Variants in MEIOB observed in about 807,000 individuals in gnomAD.
The protein encoded by MEIOB is meiosis specific with OB-fold.
A neutral mutation model predicts 53.1 loss-of-function variants in MEIOB; 50 were observed. That is an observed-to-expected ratio of 0.94 (90% CI 0.75 to 1.19). The LOEUF is 1.19. MEIOB is among the 50% of genes most tolerant of loss of function. The probability of loss-of-function intolerance (pLI) is 0.00; values close to 1 mark genes in which losing one functional copy is unlikely to be tolerated. For missense variants in MEIOB, 551 were observed against 550.8 expected, an observed-to-expected ratio of 1.00 and a Z score of 0.00; for synonymous variants, 192 against 182.5, an observed-to-expected ratio of 1.05 and a Z score of -0.42.
At chr16:1,847,029 C>A (rs572206027) in intron 9 of MEIOB, among the ~76,000 whole-genome samples, 2 of 151,744 alleles carry the variant, frequency 1.3e-5, no homozygotes, top group East Asian at 3.9e-4. Flanking sequence ...GTGGCACACA[C>A]CTGTAGTCCC....
intron 4 of MEIOB, among the ~76,000 whole-genome samples, 170 bp from the exon 5 acceptor site, chr16:1,860,645 G>C (rs1443954182): frequency 6.6e-6 from 1 of 152,092 alleles, no homozygotes; most frequent in Non-Finnish European, 1.5e-5. Context: ...TTGATACTGA[G>C]ATGTCAAAAT....
chr16:1,839,868 C>T (rs906937612), intron 11 of MEIOB: 2 of 155,026 alleles, frequency 1.3e-5, no homozygotes, highest in South Asian at 2.0e-4. Flanking sequence ...GGAACTGTGT[C>T]TTGTGCCTGG....
chr16:1,863,207 T>G (rs566378899), intron 3 of MEIOB, among the ~76,000 whole-genome samples: 7 of 152,108 alleles, frequency 4.6e-5, no homozygotes, highest in Non-Finnish European at 7.4e-5. Flanking sequence ...AAGAATGAGT[T>G]CAGGGTGTTC....
intron 3 of MEIOB, among the ~76,000 whole-genome samples, 194 bp downstream of exon 3, chr16:1,865,578 TATATAG>T (rs1265084861): frequency 5.0e-5 from 6 of 120,692 alleles, no homozygotes; most frequent in Non-Finnish European, 9.3e-5. Flanking sequence ...TGTATACATA[TATATAG>T]AGAGAGAGAG....
At chr16:1,848,980 G>T (rs980969343) in intron 9 of MEIOB, among the ~76,000 whole-genome samples, 2 of 151,960 alleles carry the variant, frequency 1.3e-5, no homozygotes, top group East Asian at 1.9e-4. Context: ...CATCAGATAG[G>T]CAAAAGGTAT....
rs60983148 is a variant in MEIOB, at chr16:1,852,429, A to ATT, written c.778+608_778+609dup. Among the ~76,000 whole-genome samples, 910 of 151,532 alleles carry ATT rather than the reference A, an allele frequency of 6.0e-3. 33 individuals carry two copies. In the East Asian group the frequency reaches 0.11, roughly 18 times the overall value. On this transcript the variant is annotated intron_variant, in intron 9 of 13. Coordinates refer to ENST00000325962, the MANE Select transcript of MEIOB (RefSeq NM_001163560.3). ...AGGCGCACACTTTTACGCTCGGCTA[A>ATT]TTTTTCTATTTTTAGTAGAAACAGG...
chr16:1,853,700 C>T, intron 7 of MEIOB, among the ~76,000 whole-genome samples: 1 of 152,154 alleles, frequency 6.6e-6, no homozygotes, highest in Admixed American at 6.5e-5. Flanking sequence ...CTAGACAATG[C>T]CTTGTTGTAC....
chr16:1,838,026 T>G, intron 12 of MEIOB, 156 bp from the exon 13 acceptor site: 1 of 1,375,978 alleles, frequency 7.3e-7, no homozygotes, highest in Non-Finnish European at 9.7e-7. Context: ...AGACAGGGTC[T>G]CACTCTGTCG....
intron 5 of MEIOB, among the ~76,000 whole-genome samples, chr16:1,858,916 T>A (rs1353504499): frequency 6.6e-6 from 1 of 152,194 alleles, no homozygotes; most frequent in Non-Finnish European, 1.5e-5. Context: ...CATCCATCAC[T>A]TCCATGAATA....
chr16:1,857,120 C>T (rs1489339847), intron 6 of MEIOB, among the ~76,000 whole-genome samples: 2 of 152,160 alleles, frequency 1.3e-5, no homozygotes, highest in Admixed American at 6.5e-5. Context: ...TCTCAATCTC[C>T]GCCTTGTGGC....
At chr16:1,848,941 A>G (rs956935619) in intron 9 of MEIOB, among the ~76,000 whole-genome samples, 1 of 152,158 alleles carries the variant, frequency 6.6e-6, no homozygotes, top group African/African-American at 2.4e-5. Context: ...TGGGAATAGC[A>G]CTTCTCAGGG....
intron 13 of MEIOB, 24 bp from the exon 14 acceptor site, chr16:1,834,390 G>A (rs1567270534): frequency 3.1e-6 from 4 of 1,282,346 alleles, no homozygotes; most frequent in Non-Finnish European, 4.5e-6. Flanking sequence ...CAGAAAAAGA[G>A]ACAAAAGGTT....
At chr16:1,836,922 A>T (rs1335383748) in intron 13 of MEIOB, among the ~76,000 whole-genome samples, 1 of 152,232 alleles carries the variant, frequency 6.6e-6, no homozygotes, top group Non-Finnish European at 1.5e-5. Flanking sequence ...AAACGGGAGC[A>T]CATTAACTTG....
chr16:1,848,844 G>A lies in MEIOB; in HGVS notation c.779-3881C>T, dbSNP rs567151708. Among the ~76,000 whole-genome samples, 44 of 151,652 alleles carry A rather than the reference G, an allele frequency of 2.9e-4. 1 individual carries two copies. The South Asian group carries it at 4.8e-3, about 17-fold the overall frequency. On this transcript the variant is annotated intron_variant, in intron 9 of 13. Coordinates refer to ENST00000325962, the MANE Select transcript of MEIOB (RefSeq NM_001163560.3). Reference sequence around the variant, plus strand: ...CAGGCATGAGCCACTGCGCCTGGCCGGCAAAATCCTTTTAAAAGAAGAGCC... The same window carrying A: ...CAGGCATGAGCCACTGCGCCTGGCCAGCAAAATCCTTTTAAAAGAAGAGCC...
chr16:1,858,882 G>A (rs1023048535), intron 5 of MEIOB, among the ~76,000 whole-genome samples: 31 of 152,110 alleles, frequency 2.0e-4, no homozygotes, highest in African/African-American at 7.5e-4. Context: ...CCTCTACCAA[G>A]AATATTCTCT....
chr16:1,851,129 C>T (rs1899158761), intron 9 of MEIOB, among the ~76,000 whole-genome samples: 1 of 152,102 alleles, frequency 6.6e-6, no homozygotes, highest in African/African-American at 2.4e-5. Flanking sequence ...CAAACCCCAG[C>T]CTGCTACCCC....
intron 1 of MEIOB, among the ~76,000 whole-genome samples, chr16:1,870,368 G>C (rs1380278587): frequency 6.6e-5 from 10 of 152,194 alleles, no homozygotes; most frequent in Non-Finnish European, 1.5e-4. Flanking sequence ...ACACCAAACA[G>C]ATTGACTTCA....
chr16:1,869,958 A>G (rs2982236), intron 1 of MEIOB, among the ~76,000 whole-genome samples: 123,327 of 149,536 alleles, frequency 0.82, 50,977 homozygotes, highest in Middle Eastern at 0.9. Flanking sequence ...TGCAACCTCT[A>G]CCTCCCAGGT....
intron 3 of MEIOB, among the ~76,000 whole-genome samples, chr16:1,865,153 T>C (rs1032769555): frequency 6.6e-6 from 1 of 151,910 alleles, no homozygotes; most frequent in African/African-American, 2.4e-5. Flanking sequence ...AACCAGGGGC[T>C]GGGCATGGTG....
Sources: allele counts gnomAD v4.1 joint callset (sites outside exome capture counted in the v4.1 genomes callset), GRCh38; gene constraint gnomAD v4.1.1; transcripts MANE v1.5; gene names NCBI Gene and HGNC (gene_info 2026-07-23, HGNC 2026-07-21).